Variants in EBF1 observed in about 807,000 individuals in gnomAD.
EBF1 encodes EBF transcription factor 1.
In EBF1, 10 loss-of-function variants were observed where a neutral mutation model predicts 68.4. The ratio of observed to expected loss-of-function variants is 0.15; its 90% CI spans 0.09 to 0.25. The LOEUF (loss-of-function observed/expected upper bound fraction) is 0.25. EBF1 is among the 10% of genes least tolerant of loss of function. The probability of loss-of-function intolerance (pLI) is 1.00; values close to 1 mark genes in which losing one functional copy is unlikely to be tolerated. For missense variants in EBF1, 509 were observed against 794.4 expected, an observed-to-expected ratio of 0.64 and a Z score of 4.32; for synonymous variants, 298 against 299.8, an observed-to-expected ratio of 0.99 and a Z score of 0.06.
intron 6 of EBF1, among the ~76,000 whole-genome samples, chr5:159,038,864 TAGCTGTAGG>T (rs1456651945): frequency 1.1e-4 from 17 of 152,174 alleles, no homozygotes; most frequent in Admixed American, 1.1e-3. Context: ...AGATGCCCAC[TAGCTGTAGG>T]ATCTCGGACA....
chr5:158,874,079 G>T (rs1159005183), intron 6 of EBF1, among the ~76,000 whole-genome samples: 2 of 152,208 alleles, frequency 1.3e-5, no homozygotes, highest in Non-Finnish European at 2.9e-5. Flanking sequence ...TCCTAGGCCA[G>T]AGGAAAATTC....
intron 6 of EBF1, among the ~76,000 whole-genome samples, chr5:158,917,400 C>G (rs1036969802): frequency 2.0e-4 from 31 of 152,182 alleles, no homozygotes; most frequent in African/African-American, 7.5e-4. Context: ...TAACCTACCC[C>G]CATCTGTAAA....
chr5:158,919,120 C>T (rs113405849), intron 6 of EBF1, among the ~76,000 whole-genome samples: 20 of 152,256 alleles, frequency 1.3e-4, no homozygotes, highest in African/African-American at 4.1e-4. Flanking sequence ...GTTGGGCCTG[C>T]GAGGATGTGC....
chr5:159,024,333 T>A (rs1767295954), intron 6 of EBF1, among the ~76,000 whole-genome samples: 1 of 152,224 alleles, frequency 6.6e-6, no homozygotes, highest in East Asian at 1.9e-4. Flanking sequence ...AGTGATAGGC[T>A]GATGCTTAGT....
intron 5 of EBF1, among the ~76,000 whole-genome samples, chr5:159,081,175 G>T (rs1036855979): frequency 6.6e-6 from 1 of 151,878 alleles, no homozygotes; most frequent in East Asian, 1.9e-4. Context: ...GAGATGGGGG[G>T]TCTCACTATG....
intron 7 of EBF1, among the ~76,000 whole-genome samples, chr5:158,836,313 G>A (rs1357966832): frequency 6.6e-6 from 1 of 152,172 alleles, no homozygotes; most frequent in African/African-American, 2.4e-5. Context: ...ACTGGAGAGA[G>A]CCTATAAAAT....
chr5:158,700,210 A>G (rs1449593773), intron 15 of EBF1, among the ~76,000 whole-genome samples: 2 of 152,256 alleles, frequency 1.3e-5, no homozygotes, highest in Non-Finnish European at 2.9e-5. Context: ...CTCTTATGTC[A>G]AATAGGCACC....
chr5:158,777,642 CCTGT>C (rs1306632634), intron 9 of EBF1, 103 bp from the exon 10 acceptor site: 10 of 1,227,448 alleles, frequency 8.1e-6, no homozygotes, highest in African/African-American at 3.1e-5. Context: ...ACATAATTAA[CCTGT>C]CTATGTTTAA....
intron 6 of EBF1, among the ~76,000 whole-genome samples, chr5:158,886,762 A>G (rs1360049621): frequency 1.3e-5 from 2 of 152,248 alleles, no homozygotes; most frequent in East Asian, 3.9e-4. Context: ...CTGTAATCCC[A>G]GCACTTAGGG....
At position 158,698,207 on chromosome 5, in the gene EBF1, G is replaced by A. The variant is rs1212169821; in HGVS notation, c.*904C>T. On this transcript the variant is annotated 3_prime_UTR_variant, in exon 16 of 16. Coordinates refer to ENST00000313708, the MANE Select transcript of EBF1 (RefSeq NM_024007.5). The stretch of plus-strand genomic sequence containing the variant: ...TTTGGCTTGTTAACTGGAGGGCAGA[G>A]TGTGGAATTCTGTGCCTGGACCCTG... The A allele has an allele frequency of 1.4e-5, 3 of 221,590 alleles. No individual in the cohort carries two copies. The highest frequency in any genetic ancestry group is 2.7e-5 in the Non-Finnish European group (3 of 110,728). The allele number at this position is 221,590 out of a possible 1,614,324, so 13.7% of individuals were successfully genotyped here. A position where few individuals can be genotyped will look rare whatever the true frequency, so the allele number is the denominator to read the frequency against.
chr5:159,097,028 G>T lies in EBF1; in HGVS notation c.237C>A (p.Gly79=). Residue 79 remains glycine (G), a synonymous_variant, in exon 2 of 16, where the codon GGC becomes GGA. Coordinates refer to ENST00000313708, the MANE Select transcript of EBF1 (RefSeq NM_024007.5). The part of the protein sequence containing the change: ...HFVLALYDRQ[G]QPVEIERTAF... ...CTGTCCTCTCGATCTCCACGGGCTG[G>T]CCCTGTCTGTCGTAGAGGGCCAGGA... The T allele has an allele frequency of 1.9e-6, 3 of 1,614,042 alleles. No individual in the cohort carries two copies. In the South Asian group the frequency reaches 3.3e-5, roughly 18 times the overall value.
intron 10 of EBF1, among the ~76,000 whole-genome samples, chr5:158,736,874 T>C (rs1249823263): frequency 6.6e-6 from 1 of 152,098 alleles, no homozygotes; most frequent in Non-Finnish European, 1.5e-5. Flanking sequence ...AACCGAAAAA[T>C]CAGCCAGAAA....
intron 6 of EBF1, among the ~76,000 whole-genome samples, chr5:158,891,169 T>C (rs2128107849): frequency 6.6e-6 from 1 of 152,312 alleles, no homozygotes; most frequent in African/African-American, 2.4e-5. Context: ...ACAACAATGC[T>C]TTCTGATTTG....
intron 6 of EBF1, among the ~76,000 whole-genome samples, chr5:158,952,096 C>A (rs1213794521): frequency 1.3e-5 from 2 of 152,182 alleles, no homozygotes; most frequent in African/African-American, 4.8e-5. Flanking sequence ...GCAACCTGAG[C>A]TCCAGGCAGG....
chr5:159,055,702 C>A (rs539062359), intron 6 of EBF1, among the ~76,000 whole-genome samples: 1 of 152,182 alleles, frequency 6.6e-6, no homozygotes, highest in South Asian at 2.1e-4. Context: ...GGAGGTGGGA[C>A]CTTACCCTGG....
At chr5:158,911,340 G>T (rs767683980) in intron 6 of EBF1, among the ~76,000 whole-genome samples, 2 of 152,154 alleles carry the variant, frequency 1.3e-5, no homozygotes, top group African/African-American at 2.4e-5. Context: ...ACAGCTGTCA[G>T]CCCTCAGAGG....
At chr5:158,937,517 G>T (rs1443324240) in intron 6 of EBF1, among the ~76,000 whole-genome samples, 1 of 152,218 alleles carries the variant, frequency 6.6e-6, no homozygotes, top group African/African-American at 2.4e-5. Flanking sequence ...CTGAGCAAGG[G>T]TGTAGGCACA....
intron 10 of EBF1, among the ~76,000 whole-genome samples, chr5:158,755,124 T>C (rs1769770572): frequency 6.6e-6 from 1 of 152,040 alleles, no homozygotes; most frequent in South Asian, 2.1e-4. Context: ...TAGATGATGA[T>C]GGTGTAGAGT....
chr5:158,835,637 T>C (rs917258471), intron 7 of EBF1, among the ~76,000 whole-genome samples: 1 of 152,194 alleles, frequency 6.6e-6, no homozygotes, highest in Non-Finnish European at 1.5e-5. Context: ...GAGATCTCTT[T>C]ATAGCCTCAC....
Sources: gnomAD v4.1 joint callset for allele counts (sites outside exome capture counted in the v4.1 genomes callset) on GRCh38, gnomAD v4.1.1 for gene constraint, MANE v1.5 for transcripts, NCBI Gene and HGNC (gene_info 2026-07-23, HGNC 2026-07-21) for gene names.